The following GLIS3 variants were observed in gnomAD, a reference collection of about 807,000 sequenced individuals.
GLIS3 encodes zinc finger protein GLIS3.
A neutral mutation model predicts 78.6 loss-of-function variants in GLIS3; 53 were observed. The observed-to-expected ratio is 0.67, with a 90% CI of 0.54 to 0.85. GLIS3 has a LOEUF of 0.85. Among genes scored for constraint, GLIS3 ranks in the 40% least tolerant of loss-of-function variants. GLIS3 has a pLI of 0.00. For missense variants in GLIS3, 1,703 were observed against 1,231.1 expected (o/e 1.38, Z -5.74); for synonymous variants, 684 against 509.9 (o/e 1.34, Z -4.60).
intron 2 of GLIS3, among the ~76,000 whole-genome samples, chr9:4,185,662 A>G (rs1397196136): frequency 6.6e-6 from 1 of 152,218 alleles, no homozygotes; most frequent in Non-Finnish European, 1.5e-5. Flanking sequence ...CAGTTTGAAG[A>G]AGGGAATCAG....
the GLIS3 span, among the ~76,000 whole-genome samples, chr9:4,390,549 A>T: frequency 3.3e-5 from 5 of 152,136 alleles, no homozygotes; most frequent in African/African-American, 1.2e-4. Context: ...TAAACTTCAT[A>T]AACTGCAAGT....
At chr9:3,896,069 C>CACTT (rs1406175457) in intron 7 of GLIS3, among the ~76,000 whole-genome samples, 2 of 152,222 alleles carry the variant, frequency 1.3e-5, no homozygotes, top group African/African-American at 4.8e-5. Flanking sequence ...ATTGTCTTAA[C>CACTT]ACTTCAGATT....
chr9:4,442,048 T>C, the GLIS3 span, among the ~76,000 whole-genome samples: 118 of 152,338 alleles, frequency 7.7e-4, no homozygotes, highest in Admixed American at 1.8e-3. Context: ...CTTTAAACGT[T>C]TGGTAGAATT....
chr9:4,039,407 T>C (rs1000421472), intron 4 of GLIS3, among the ~76,000 whole-genome samples: 1 of 152,280 alleles, frequency 6.6e-6, no homozygotes, highest in East Asian at 1.9e-4. Context: ...TCTCTCTCTC[T>C]TCCAGACAAT....
At chr9:4,060,515 C>T (rs981988993) in intron 4 of GLIS3, among the ~76,000 whole-genome samples, 2 of 152,150 alleles carry the variant, frequency 1.3e-5, no homozygotes, top group Non-Finnish European at 2.9e-5. Flanking sequence ...TGGGTCATGA[C>T]AGCTCTGCCC....
intron 4 of GLIS3, among the ~76,000 whole-genome samples, chr9:4,013,313 C>T (rs1385876875): frequency 6.6e-6 from 1 of 152,132 alleles, no homozygotes; most frequent in Non-Finnish European, 1.5e-5. Flanking sequence ...GCTTCCATAG[C>T]AAACTCTCTG....
At chr9:4,424,081 A>C in the GLIS3 span, among the ~76,000 whole-genome samples, 23 of 152,326 alleles carry the variant, frequency 1.5e-4, no homozygotes, top group African/African-American at 5.5e-4. Context: ...ATTTTGACAG[A>C]AAGTTCAATT....
At chr9:4,045,941 G>A (rs1825214109) in intron 4 of GLIS3, among the ~76,000 whole-genome samples, 1 of 152,092 alleles carries the variant, frequency 6.6e-6, no homozygotes, top group South Asian at 2.1e-4. Flanking sequence ...CGGTCACCTT[G>A]GGAGATCGGG....
chr9:3,855,604 C>A, intron 9 of GLIS3: 2 of 273,136 alleles, frequency 7.3e-6, no homozygotes, highest in Non-Finnish European at 7.1e-6. Flanking sequence ...ATTCCACCTG[C>A]GCCTTGAAGG....
chr9:4,014,073 C>G (rs886870178), intron 4 of GLIS3, among the ~76,000 whole-genome samples: 1 of 152,110 alleles, frequency 6.6e-6, no homozygotes, highest in African/African-American at 2.4e-5. Context: ...ACATGTGGCC[C>G]AAGAATCAAG....
chr9:4,356,392 T>A, the GLIS3 span, among the ~76,000 whole-genome samples: 23 of 152,302 alleles, frequency 1.5e-4, no homozygotes, highest in African/African-American at 5.1e-4. Context: ...CAAAGCAATA[T>A]GATTGAGCCC....
chr9:4,447,185 C>CT, the GLIS3 span, among the ~76,000 whole-genome samples: 1 of 152,012 alleles, frequency 6.6e-6, no homozygotes, highest in South Asian at 2.1e-4. Context: ...GTAGCTGGGA[C>CT]TATAGGCATG....
chr9:3,999,774 G>C (rs1458995877), intron 4 of GLIS3, among the ~76,000 whole-genome samples: 2 of 152,102 alleles, frequency 1.3e-5, no homozygotes, highest in African/African-American at 4.8e-5. Flanking sequence ...ATCCTGAAAT[G>C]AATATGGAAG....
intron 2 of GLIS3, among the ~76,000 whole-genome samples, chr9:4,193,386 G>C (rs1181097220): frequency 6.6e-6 from 1 of 152,332 alleles, no homozygotes; most frequent in African/African-American, 2.4e-5. Context: ...GAGTTGGGTA[G>C]TTACAACAGA....
intron 7 of GLIS3, among the ~76,000 whole-genome samples, chr9:3,896,747 T>A (rs1822872576): frequency 6.8e-6 from 1 of 146,646 alleles, no homozygotes; most frequent in Admixed American, 6.9e-5. Context: ...GGGAACAAAG[T>A]TGAGCAACAT....
At chr9:4,004,262 G>A (rs915662598) in intron 4 of GLIS3, among the ~76,000 whole-genome samples, 9 of 152,106 alleles carry the variant, frequency 5.9e-5, no homozygotes, top group Non-Finnish European at 1.2e-4. Context: ...CCAGACCAAG[G>A]GAGGTAAACA....
chr9:4,470,220 T>C, the GLIS3 span, among the ~76,000 whole-genome samples: 22 of 152,080 alleles, frequency 1.4e-4, no homozygotes, highest in African/African-American at 5.1e-4. Context: ...TTCCAATCAA[T>C]AGAAAAAGAG....
At chr9:4,459,815 GA>G in the GLIS3 span, among the ~76,000 whole-genome samples, 4 of 151,388 alleles carry the variant, frequency 2.6e-5, no homozygotes, top group African/African-American at 7.3e-5. Flanking sequence ...TCTCAAAAAA[GA>G]AAAAAAGAAA....
intron 1 of GLIS3, among the ~76,000 whole-genome samples, chr9:4,286,752 TG>T (rs1828036768): frequency 1.3e-5 from 2 of 152,214 alleles, no homozygotes; most frequent in African/African-American, 4.8e-5. Context: ...TGTTTGCCAC[TG>T]AGCCCTTCTC....
Sources: allele counts gnomAD v4.1 joint callset (sites outside exome capture counted in the v4.1 genomes callset), GRCh38; gene constraint gnomAD v4.1.1; transcripts MANE v1.5; gene names NCBI Gene and HGNC (gene_info 2026-07-23, HGNC 2026-07-21).